FOXK2: variants seen among roughly 807,000 people sequenced by gnomAD.
The protein encoded by FOXK2 is forkhead box protein K2.
Under a neutral mutation model 53.3 loss-of-function variants are expected in FOXK2, and 24 were observed. The observed-to-expected ratio is 0.45, with a 90% confidence interval of 0.33 to 0.63. FOXK2 has a LOEUF of 0.63. Among genes scored for constraint, FOXK2 ranks in the 30% least tolerant of loss-of-function variants. The pLI is 0.03. For missense variants in FOXK2, 952 were observed against 910.5 expected (o/e 1.05, Z -0.59); for synonymous variants, 505 against 407.1 (o/e 1.24, Z -2.89).
At chr17:82,580,164 C>T (rs1332208753) in intron 4 of FOXK2, among the ~76,000 whole-genome samples, 1 of 142,532 alleles carries the variant, frequency 7.0e-6, no homozygotes, top group Admixed American at 7.0e-5. Context: ...CTCTCCATGT[C>T]GCCGGTGAAG....
At chr17:82,584,697 C>T (rs1189053993) in intron 6 of FOXK2, among the ~76,000 whole-genome samples, 2 of 152,012 alleles carry the variant, frequency 1.3e-5, no homozygotes, top group African/African-American at 4.8e-5. Flanking sequence ...CACACACCAC[C>T]ACACCCAGCT....
At chr17:82,560,046 C>T (rs1280491799) in intron 1 of FOXK2, among the ~76,000 whole-genome samples, 2 of 146,534 alleles carry the variant, frequency 1.4e-5, no homozygotes, top group African/African-American at 5.1e-5. Context: ...CGCTCTGTCG[C>T]CCTGGCTGGA....
intron 1 of FOXK2, among the ~76,000 whole-genome samples, chr17:82,529,712 C>T (rs2044454806): frequency 6.6e-6 from 1 of 152,090 alleles, no homozygotes; most frequent in African/African-American, 2.4e-5. Context: ...AAAACAGAGC[C>T]TGGAGGTTGA....
At chr17:82,533,260 G>A (rs1216843123) in intron 1 of FOXK2, among the ~76,000 whole-genome samples, 1 of 152,140 alleles carries the variant, frequency 6.6e-6, no homozygotes, top group South Asian at 2.1e-4. Flanking sequence ...GAGGCCAGGC[G>A]GGTGGATCAC....
intron 4 of FOXK2, among the ~76,000 whole-genome samples, chr17:82,582,386 A>C (rs567696378): frequency 1.3e-5 from 2 of 152,288 alleles, no homozygotes; most frequent in African/African-American, 4.8e-5. Context: ...TTGGAAGCCC[A>C]TAGCAGCCTT....
chr17:82,565,234 T>C (rs1310179605), intron 2 of FOXK2, among the ~76,000 whole-genome samples: 1 of 152,162 alleles, frequency 6.6e-6, no homozygotes, highest in Non-Finnish European at 1.5e-5. Flanking sequence ...GAAGAAAACA[T>C]AGGCAAAACC....
At chr17:82,595,073 C>T (rs929977241) in intron 8 of FOXK2, among the ~76,000 whole-genome samples, 1 of 152,182 alleles carries the variant, frequency 6.6e-6, no homozygotes, top group African/African-American at 2.4e-5. Flanking sequence ...GAAACGCAAG[C>T]CGGCATACAT....
In FOXK2 at chr17:82,520,185, G is replaced by C; in HGVS notation, c.297G>C (p.Pro99=). The C allele has an allele frequency of 7.0e-7, 1 of 1,427,354 alleles. No individual in the cohort carries two copies. Among genetic ancestry groups the C allele is most frequent in the South Asian group, 1.5e-5 (1 of 67,792 alleles). 88.4% of individuals were successfully genotyped at this position (1,427,354 alleles called of 1,614,324 possible). Residue 99 remains proline, a synonymous_variant, in exon 1 of 9, where the codon CCG becomes CCC. Transcript: ENST00000335255. The part of the protein sequence containing the change: ...GGHGGAAPEL[P]PAQPRPDAGG... The stretch of plus-strand genomic sequence containing the variant: ...ATGGCGGGGCCGCTCCGGAGCTGCC[G>C]CCCGCGCAGCCCAGGCCCGACGCCG...
intron 1 of FOXK2, among the ~76,000 whole-genome samples, chr17:82,532,919 T>A (rs2044486100): frequency 6.6e-6 from 1 of 152,160 alleles, no homozygotes; most frequent in African/African-American, 2.4e-5. Flanking sequence ...GTTTGTAAAA[T>A]TATTATTTTT....
At chr17:82,593,917 G>GC (rs998152834) in intron 8 of FOXK2, 1 of 152,354 alleles carries the variant, frequency 6.6e-6, no homozygotes, top group African/African-American at 2.4e-5. Flanking sequence ...TGGATTGACA[G>GC]CCCCAGAGCA....
chr17:82,538,651 A>G (rs371058875), intron 1 of FOXK2, among the ~76,000 whole-genome samples: 2 of 152,250 alleles, frequency 1.3e-5, no homozygotes, highest in African/African-American at 4.8e-5. Flanking sequence ...TAGAAGAGCA[A>G]AATGCTCTGC....
chr17:82,546,831 C>G (rs914855688), intron 1 of FOXK2, among the ~76,000 whole-genome samples: 1 of 152,052 alleles, frequency 6.6e-6, no homozygotes, highest in Non-Finnish European at 1.5e-5. Context: ...AATCCCAGCA[C>G]TTTGGGAGGC....
intron 5 of FOXK2, among the ~76,000 whole-genome samples, chr17:82,583,404 G>A (rs929951420): frequency 6.6e-6 from 1 of 152,190 alleles, no homozygotes; most frequent in Non-Finnish European, 1.5e-5. Flanking sequence ...AAAATTAGCC[G>A]GGCGCGGTGG....
intron 8 of FOXK2, among the ~76,000 whole-genome samples, chr17:82,592,605 T>C (rs779241340): frequency 6.6e-6 from 1 of 152,242 alleles, no homozygotes; most frequent in African/African-American, 2.4e-5. Flanking sequence ...TCGTTAACAT[T>C]GTTCCTGCCT....
At chr17:82,543,088 G>A (rs1488310662) in intron 1 of FOXK2, among the ~76,000 whole-genome samples, 1 of 152,246 alleles carries the variant, frequency 6.6e-6, no homozygotes, top group East Asian at 1.9e-4. Context: ...GCTGTTGCCA[G>A]AGTGGCCAGT....
chr17:82,596,649 C>T (rs1016003418), intron 8 of FOXK2, among the ~76,000 whole-genome samples: 7 of 152,222 alleles, frequency 4.6e-5, no homozygotes, highest in African/African-American at 1.4e-4. Context: ...TTTTAAAAAT[C>T]GCTTCAGCCA....
At chr17:82,560,036 C>T (rs1423246663) in intron 1 of FOXK2, among the ~76,000 whole-genome samples, 4 of 138,796 alleles carry the variant, frequency 2.9e-5, no homozygotes, top group East Asian at 2.1e-4. Context: ...AATGGAGTCT[C>T]GCTCTGTCGC....
intron 8 of FOXK2, chr17:82,595,861 C>T (rs557001465): frequency 6.2e-6 from 8 of 1,288,784 alleles, no homozygotes; most frequent in African/African-American, 4.5e-5. Context: ...CCCATCCAGA[C>T]AGACCAGCAG....
At chr17:82,590,017 G>T (rs2045237225) in intron 8 of FOXK2, among the ~76,000 whole-genome samples, 1 of 151,608 alleles carries the variant, frequency 6.6e-6, no homozygotes, top group Non-Finnish European at 1.5e-5. Context: ...CTGCACTCCA[G>T]CCTGGGCAAC....
Sources: allele counts gnomAD v4.1 joint callset (sites outside exome capture counted in the v4.1 genomes callset), GRCh38; gene constraint gnomAD v4.1.1; transcripts MANE v1.5; gene names NCBI Gene and HGNC (gene_info 2026-07-23, HGNC 2026-07-21).